Variants in DDX41 observed in about 807,000 individuals in gnomAD.
DDX41 encodes the protein DEAD-box helicase 41.
A neutral mutation model predicts 78.8 loss-of-function variants in DDX41; 50 were observed. The ratio of observed to expected loss-of-function variants is 0.63; its 90% CI spans 0.51 to 0.80. DDX41 has a LOEUF of 0.80. DDX41 is among the 30% of genes least tolerant of loss of function. The pLI, the probability that DDX41 is intolerant of heterozygous loss-of-function variation, is 0.00. For synonymous variants in DDX41, 381 were observed against 321.5 expected (o/e 1.19, Z -1.98); for missense variants, 633 against 849.2 (o/e 0.75, Z 3.16).
chr5:177,516,336 T>C lies in DDX41; in HGVS notation c.250A>G (p.Asn84Asp). Residue 84 changes from asparagine to aspartate, a missense_variant, in exon 3 of 17, where the codon AAC becomes GAC. Physicochemically the swap from Asn to Asp is conservative, Grantham distance 23 (BLOSUM62 1). This residue lies in a region of DDX41 where 140 missense variants were observed against 115.2 expected (regional missense o/e 1.22). Coordinates refer to ENST00000330503, the MANE Select transcript of DDX41 (RefSeq NM_016222.4). ...EDDIPLGPQS[N>D]VSLLDQHQHL... The stretch of plus-strand genomic sequence containing the variant: ...TGGTGCTGATCCAGGAGGCTGACGT[T>C]GGACTGAGGGCCTAGCGGGATGTCG... 1 of 1,614,178 alleles carries C rather than the reference T, an allele frequency of 6.2e-7. No homozygotes were observed. Among genetic ancestry groups the C allele is most frequent in the Non-Finnish European group, 8.5e-7 (1 of 1,180,036 alleles).
At chr5:177,515,875 C>T in intron 5 of DDX41, 54 bp from the exon 6 acceptor site, 1 of 1,614,136 alleles carries the variant, frequency 6.2e-7, no homozygotes, top group Non-Finnish European at 8.5e-7. Context: ...GGCCTGGGAG[C>T]ATCCCTGCAT....
At chr5:177,515,389 T>A (rs752797481) in intron 6 of DDX41, 131 bp from the exon 7 acceptor site, 87 of 932,796 alleles carry the variant, frequency 9.3e-5, no homozygotes, top group Admixed American at 1.8e-4. Context: ...AGAGAGAGAG[T>A]GGAAAAAAAA....
rs779335524 is a variant in DDX41 at position 177,513,368 on chromosome 5, G to A, written c.1215C>T (p.Ser405=). The A allele has an allele frequency of 2.5e-6, 4 of 1,614,100 alleles. No individual in the cohort carries two copies. In the East Asian group the frequency reaches 6.7e-5, roughly 27 times the overall value. Residue 405 remains serine, a synonymous_variant, in exon 11 of 17, where the codon AGC becomes AGT. Transcript: ENST00000330503. This position sits in a 1 kb window ranked among gnomAD's most constrained non-coding sequence, Gnocchi z 4.6. ...TINVGRAGAA[S]LDVIQEVEYV... is the part of the protein sequence containing the mutation. ...ACCTGCCCACCTGGATGACATCCAG[G>A]CTGGCAGCCCCAGCGCGCCCCACAT...
rs1344271042 is a variant in DDX41 at position 177,516,758 on chromosome 5, G to A, written c.105C>T (p.Pro35=). The change falls in exon 2 of 17, where the codon CCC becomes CCT. Residue 35 remains proline (P), a synonymous_variant. Transcript: ENST00000330503. ...AEDEDDEDYV[P]YVPLRQRRQL... ...GCCGGCGCTGCCGTAACGGCACATA[G>A]GGCACGTAGTCCTCGTCGTCCTCAT... 2.5e-6 allele frequency: 4 copies of A among 1,611,094 alleles called. No homozygotes were observed. The highest frequency in any genetic ancestry group is 1.7e-4 in the Middle Eastern group (1 of 6,038).
Position 177,516,191 on chromosome 5 carries a change from G to A in DDX41, c.301C>T (p.Arg101Cys), listed in dbSNP as rs1761223083. The change falls in exon 4 of 17, where the codon CGC becomes TGC. Residue 101 changes from arginine (R) to cysteine (C), a missense_variant and splice_region_variant. This residue lies in a region of DDX41 where 24 missense variants were observed against 59.8 expected (regional missense o/e 0.40). Transcript: ENST00000330503. ...HQHLKEKAEA[R>C]KESAKEKQLK... Reference sequence around the variant, plus strand: ...TGCTTCTCCTTGGCAGACTCTTTGCGCGCTGAGAAAAGAAGTGGAAGATGT... The same window carrying A: ...TGCTTCTCCTTGGCAGACTCTTTGCACGCTGAGAAAAGAAGTGGAAGATGT... 6.2e-7 allele frequency: 1 copy of A among 1,613,942 alleles called. No homozygotes were observed. Among genetic ancestry groups the A allele is most frequent in the South Asian group, 1.1e-5 (1 of 91,082 alleles).
chr5:177,514,183 A>C lies in DDX41; in HGVS notation c.936-336T>G. On this transcript the variant is annotated intron_variant, in intron 9 of 16. Transcript: ENST00000330503. The surrounding 1 kb of genome is among the most constrained non-coding windows in gnomAD (Gnocchi z 4.2). ...CTTTTCTGTGCTCACCATCTCCCTAATACTCAGAAGTCCGTGGAGGAAGGC... is the reference window on the plus strand; with the variant it reads ...CTTTTCTGTGCTCACCATCTCCCTACTACTCAGAAGTCCGTGGAGGAAGGC... The C allele has an allele frequency of 2.3e-5, 12 of 517,552 alleles. No homozygotes were observed. Among genetic ancestry groups the C allele is most frequent in the East Asian group, 5.0e-5 (1 of 19,848 alleles). 32.1% of individuals were successfully genotyped at this position (517,552 alleles called of 1,614,324 possible). A position where few individuals can be genotyped will look rare whatever the true frequency, so the allele number is the denominator to read the frequency against.
In DDX41 at chr5:177,516,005, T is replaced by C. The variant is rs761457080; in HGVS notation, c.374-16A>G. 7.4e-6 allele frequency: 12 copies of C among 1,614,060 alleles called. No homozygotes were observed. The highest frequency in any genetic ancestry group is 1.7e-5 in the Admixed American group (1 of 60,004). ...GACATCAATGCTGAAGAGAGAGACA[T>C]GGCTCAGGGCTGGCTCCTGCTTCTG... On this transcript the variant is annotated splice_polypyrimidine_tract_variant and intron_variant, in intron 4 of 16. Transcript: ENST00000330503.
At position 177,511,835 on chromosome 5, in the gene DDX41, T is replaced by G. The variant is rs759638837; in HGVS notation, c.1825A>C (p.Ile609Leu). 1 of 1,614,142 alleles carries G rather than the reference T, an allele frequency of 6.2e-7. No individual in the cohort carries two copies. Among genetic ancestry groups the G allele is most frequent in the South Asian group, 1.1e-5 (1 of 91,084 alleles). Residue 609 changes from isoleucine (I) to leucine (L), a missense_variant, in exon 17 of 17, where the codon ATC (isoleucine) becomes CTC (leucine). Coordinates refer to ENST00000330503, the MANE Select transcript of DDX41 (RefSeq NM_016222.4). ...TGGGCCAGGTAGTCCTTGCGACCGA[T>G]GTTGCTGACCTGCTTGGTCTGCATA... ...EAMQTKQVSN[I>L]GRKDYLAHSS...
At chr5:177,512,913 G>T (rs934385056) in intron 12 of DDX41, 37 bp from the exon 13 acceptor site, 1 of 1,609,874 alleles carries the variant, frequency 6.2e-7, no homozygotes, top group African/African-American at 1.3e-5. Context: ...GGGGCTAACT[G>T]CCTGGGCACC....
rs1761146373 is a variant in DDX41, at chr5:177,514,802, C to A, written c.834G>T (p.Glu278Asp). The A allele has an allele frequency of 1.2e-6, 2 of 1,612,692 alleles. No homozygotes were observed. Among genetic ancestry groups the A allele is most frequent in the Non-Finnish European group, 1.7e-6 (2 of 1,179,824 alleles). The change falls in exon 9 of 17, where the codon GAG becomes GAT. Residue 278 changes from glutamate (E) to aspartate (D), a missense_variant. Transcript: ENST00000330503. This position sits in a 1 kb window ranked among gnomAD's most constrained non-coding sequence, Gnocchi z 4.2. ...CCTCCTGCAGCAGGCGGCAGTAGTA[C>A]TCCAGGATGCCATGGGTCTGCCGGG... ...ELARQTHGILEYYCRLLQEDS... is the reference protein window; with the variant it reads ...ELARQTHGILDYYCRLLQEDS...
chr5:177,514,808 G>A lies in DDX41; in HGVS notation c.828C>T (p.Ile276=). 1 of 1,612,680 alleles carries A rather than the reference G, an allele frequency of 6.2e-7. No individual in the cohort carries two copies. Among genetic ancestry groups the A allele is most frequent in the Non-Finnish European group, 8.5e-7 (1 of 1,179,722 alleles). The change falls in exon 9 of 17, where the codon ATC becomes ATT. Residue 276 remains isoleucine, a synonymous_variant. Coordinates refer to ENST00000330503, the MANE Select transcript of DDX41 (RefSeq NM_016222.4). This position sits in a 1 kb window ranked among gnomAD's most constrained non-coding sequence, Gnocchi z 4.2. Reference sequence around the variant, plus strand: ...GCAGCAGGCGGCAGTAGTACTCCAGGATGCCATGGGTCTGCCGGGCCAGCT... The same window carrying A: ...GCAGCAGGCGGCAGTAGTACTCCAGAATGCCATGGGTCTGCCGGGCCAGCT... ...SRELARQTHG[I]LEYYCRLLQE...
rs1284223764 is a variant in DDX41, at chr5:177,513,704, G to A, written c.1079C>T (p.Thr360Ile). The A allele has an allele frequency of 1.9e-6, 3 of 1,613,454 alleles. No homozygotes were observed. Among genetic ancestry groups the A allele is most frequent in the Non-Finnish European group, 2.5e-6 (3 of 1,180,020 alleles). The stretch of plus-strand genomic sequence containing the variant: ...CGGCACCTTGAAGTAGGAGAAGATG[G>A]TACGGATGTCACCCTCGAAGCCCAT... ...IDMGFEGDIR[T>I]IFSYFKGQRQ... The change falls in exon 10 of 17, where the codon ACC (threonine) becomes ATC (isoleucine). Residue 360 changes from threonine to isoleucine, a missense_variant. Coordinates refer to ENST00000330503, the MANE Select transcript of DDX41 (RefSeq NM_016222.4). The surrounding 1 kb of genome is among the most constrained non-coding windows in gnomAD (Gnocchi z 4.6).
At position 177,512,575 on chromosome 5, in the gene DDX41, G is replaced by A. The variant is rs151018711; in HGVS notation, c.1470C>T (p.Asp490=). The part of the protein sequence containing the change: ...EGKKDVLVAT[D]VASKGLDFPA... Reference sequence around the variant, plus strand: ...GGAAGTCCAGGCCCTTGGAGGCAACGTCTGTGGCTACTAGGACATCCTTCT... The same window carrying A: ...GGAAGTCCAGGCCCTTGGAGGCAACATCTGTGGCTACTAGGACATCCTTCT... The change falls in exon 14 of 17, where the codon GAC becomes GAT. Residue 490 remains aspartate, a synonymous_variant. Transcript: ENST00000330503. The A allele has an allele frequency of 1.7e-4, 277 of 1,614,154 alleles. 3 individuals are homozygous for A. The African/African-American group carries it at 3.3e-3, about 19-fold the overall frequency.
Position 177,512,311 on chromosome 5 carries a change from AAC to A in DDX41, c.1621+9_1621+10del. 1 of 1,613,990 alleles carries A rather than the reference AAC, an allele frequency of 6.2e-7. No individual in the cohort carries two copies. Among genetic ancestry groups the A allele is most frequent in the Non-Finnish European group, 8.5e-7 (1 of 1,179,966 alleles). ...AGGGAACAGCTAAGGTGGCGCTGGT[AAC>A]AGACTCACCACACGCTTTGTTGATG... On this transcript the variant is annotated intron_variant, in intron 15 of 16. Coordinates refer to ENST00000330503, the MANE Select transcript of DDX41 (RefSeq NM_016222.4).
rs200279634 is a variant in DDX41 at position 177,513,496 on chromosome 5, G to C, written c.1099-12C>G. On this transcript the variant is annotated splice_polypyrimidine_tract_variant and intron_variant, in intron 10 of 16. Transcript: ENST00000330503. This position sits in a 1 kb window ranked among gnomAD's most constrained non-coding sequence, Gnocchi z 4.6. Reference sequence around the variant, plus strand: ...GTCTGTCGCTGGCCCTGAGGAAGAGGGGGGCTGCGACCAAGGGCACACAGG... The same window carrying C: ...GTCTGTCGCTGGCCCTGAGGAAGAGCGGGGCTGCGACCAAGGGCACACAGG... 3 of 1,614,068 alleles carry C rather than the reference G, an allele frequency of 1.9e-6. No individual in the cohort carries two copies. The highest frequency in any genetic ancestry group is 1.7e-6 in the Non-Finnish European group (2 of 1,180,026).
At position 177,512,832 on chromosome 5, in the gene DDX41, G is replaced by A. The variant is rs138792438; in HGVS notation, c.1347C>T (p.His449=). The A allele has an allele frequency of 7.3e-5, 118 of 1,614,050 alleles. No individual in the cohort carries two copies. The highest frequency in any genetic ancestry group is 3.3e-4 in the Middle Eastern group (2 of 6,062). ...AEKKADVDAI[H]EYLLLKGVEA... is the part of the protein sequence containing the mutation. ...CAACCCCCTTGAGCAGCAGGTACTC[G>A]TGGATGGCGTCCACGTCTGCCTTCT... is the stretch of plus-strand genomic sequence containing the variant. The change falls in exon 13 of 17, where the codon CAC becomes CAT. Residue 449 remains histidine (H), a synonymous_variant. Transcript: ENST00000330503.
intron 16 of DDX41, 70 bp downstream of exon 16, chr5:177,512,026 G>A (rs1258185151): frequency 6.8e-6 from 11 of 1,606,546 alleles, no homozygotes; most frequent in South Asian, 3.3e-5. Context: ...CCGGTTTCAC[G>A]TTTCTGACTT....
Position 177,512,136 on chromosome 5 carries a change from C to T in DDX41, c.1692G>A (p.Gln564=). 1 of 1,613,576 alleles carries T rather than the reference C, an allele frequency of 6.2e-7. No homozygotes were observed. The highest frequency in any genetic ancestry group is 8.5e-7 in the Non-Finnish European group (1 of 1,180,036). Reference sequence around the variant, plus strand: ...TGGACTCATCCCCGCAATGCAGCACCTGCAGCACGGGCGGCACCTTCTGCT... The same window carrying T: ...TGGACTCATCCCCGCAATGCAGCACTTGCAGCACGGGCGGCACCTTCTGCT... ...EAKQKVPPVL[Q]VLHCGDESML... is the part of the protein sequence containing the mutation. Residue 564 remains glutamine (Q), a synonymous_variant, in exon 16 of 17, where the codon CAG becomes CAA. Transcript: ENST00000330503.
intron 1 of DDX41, 21 bp from the exon 2 acceptor site, chr5:177,516,856 G>A (rs374783134): frequency 3.7e-6 from 6 of 1,613,028 alleles, no homozygotes; most frequent in Non-Finnish European, 4.2e-6. Flanking sequence ...ACGCCAGTCA[G>A]GCACGGCCTG....
Sources: allele counts gnomAD v4.1 joint callset, GRCh38; gene constraint gnomAD v4.1.1; regional missense constraint gnomAD v4.1.1; non-coding constraint Gnocchi (gnomAD v3.1); transcripts MANE v1.5; gene names NCBI Gene and HGNC (gene_info 2026-07-23, HGNC 2026-07-21).